DOCK9: variants seen among roughly 807,000 people sequenced by gnomAD.
DOCK9 encodes the protein dedicator of cytokinesis 9.
A neutral mutation model predicts 263.3 loss-of-function variants in DOCK9; 89 were observed. The observed-to-expected ratio is 0.34, with a 90% CI of 0.28 to 0.40. The LOEUF is 0.40. Among genes scored for constraint, DOCK9 ranks in the 10% least tolerant of loss-of-function variants. The probability of loss-of-function intolerance (pLI) is 1.00; values close to 1 mark genes in which losing one functional copy is unlikely to be tolerated. For synonymous variants in DOCK9, 976 were observed against 973.1 expected, an observed-to-expected ratio of 1.00 and a Z score of -0.06; for missense variants, 2,140 against 2,603.4, an observed-to-expected ratio of 0.82 and a Z score of 3.87.
intron 1 of DOCK9, among the ~76,000 whole-genome samples, chr13:99,047,517 CT>C (rs80048308): frequency 0.17 from 21,137 of 126,782 alleles, 1,240 homozygotes; most frequent in South Asian, 0.26. Flanking sequence ...GGTTCTAATC[CT>C]TTTTTTTTTT....
At chr13:98,973,928 T>G (rs1023732399) in intron 1 of DOCK9, among the ~76,000 whole-genome samples, 2 of 152,138 alleles carry the variant, frequency 1.3e-5, no homozygotes, top group African/African-American at 4.8e-5. Context: ...TGAGTACACC[T>G]AATAGGAAAA....
In DOCK9 at chr13:98,806,084, A is replaced by T. The variant is rs373004755; in HGVS notation, c.5515-875T>A. Among the ~76,000 whole-genome samples the T allele has an allele frequency of 1.8e-4, 27 of 152,286 alleles. No homozygotes were observed. In the South Asian group the frequency reaches 5.4e-3, roughly 30 times the overall value. On this transcript the variant is annotated intron_variant, in intron 48 of 52. Coordinates refer to ENST00000682017, the MANE Select transcript of DOCK9 (RefSeq NM_001366683.2). ...TTTCTCTGATTGTTTCTTAAACTGC[A>T]TTTTTAATATATTTGGCTTAGAGAG...
At chr13:98,995,649 C>A (rs1260697378) in intron 1 of DOCK9, among the ~76,000 whole-genome samples, 2 of 151,852 alleles carry the variant, frequency 1.3e-5, no homozygotes, top group Non-Finnish European at 2.9e-5. Flanking sequence ...CCACCACGCC[C>A]GGCTAATTTT....
intron 9 of DOCK9, among the ~76,000 whole-genome samples, chr13:98,907,663 C>T (rs2049328118): frequency 6.6e-6 from 1 of 152,160 alleles, no homozygotes; most frequent in Non-Finnish European, 1.5e-5. Context: ...ACATCTATTG[C>T]TCTGCTACAA....
At chr13:98,805,976 T>C (rs2140125387) in intron 48 of DOCK9, among the ~76,000 whole-genome samples, 1 of 152,290 alleles carries the variant, frequency 6.6e-6, no homozygotes, top group Admixed American at 6.5e-5. Context: ...GTCAGGCTGG[T>C]CTCGAACTCC....
intron 43 of DOCK9, among the ~76,000 whole-genome samples, chr13:98,828,870 G>A (rs1167690560): frequency 6.6e-6 from 1 of 152,114 alleles, no homozygotes; most frequent in Admixed American, 6.6e-5. Context: ...ATTGAAACAC[G>A]TCAGCTCTGC....
At chr13:98,898,365 C>G (rs1415609098) in intron 13 of DOCK9, 104 bp from the exon 14 acceptor site, 4 of 776,590 alleles carry the variant, frequency 5.2e-6, no homozygotes, top group Non-Finnish European at 8.6e-6. Flanking sequence ...CTTACCATAG[C>G]ATTGGATGCA....
chr13:99,003,345 T>C (rs1882738470), intron 1 of DOCK9, among the ~76,000 whole-genome samples: 1 of 152,196 alleles, frequency 6.6e-6, no homozygotes, highest in South Asian at 2.1e-4. Flanking sequence ...TCCAGGCTCC[T>C]TTCCCAGCTC....
chr13:98,883,082 C>T lies in DOCK9; in HGVS notation c.2519G>A (p.Gly840Glu). 6.2e-7 allele frequency: 1 copy of T among 1,613,850 alleles called. No individual in the cohort carries two copies. Among genetic ancestry groups the T allele is most frequent in the Non-Finnish European group, 8.5e-7 (1 of 1,179,870 alleles). The change falls in exon 23 of 53, where the codon GGA (glycine) becomes GAA (glutamate). Residue 840 changes from glycine to glutamate, a missense_variant. This residue lies in a region of DOCK9 where 1,521 missense variants were observed against 1,741.7 expected (regional missense o/e 0.87). Coordinates refer to ENST00000682017, the MANE Select transcript of DOCK9 (RefSeq NM_001366683.2). The stretch of plus-strand genomic sequence containing the variant: ...AAGTTCGTTTCCTAAGGCTTGGGCT[C>T]CAGATTCGGTTTTCTGACAGTACTG... ...FFQYCQKTES[G>E]AQALGNELVK...
chr13:99,017,674 C>A (rs1244465957), intron 1 of DOCK9, among the ~76,000 whole-genome samples: 3 of 152,156 alleles, frequency 2.0e-5, no homozygotes, highest in African/African-American at 7.2e-5. Flanking sequence ...CCCTGGACCA[C>A]ACTGGAAGAA....
intron 12 of DOCK9, 71 bp from the exon 13 acceptor site, chr13:98,901,971 A>G: frequency 5.2e-6 from 8 of 1,545,036 alleles, no homozygotes; most frequent in Non-Finnish European, 7.0e-6. Context: ...TGAACATTAA[A>G]CAGCAAAGAA....
At chr13:98,828,350 C>T (rs570766005) in intron 43 of DOCK9, among the ~76,000 whole-genome samples, 5 of 152,080 alleles carry the variant, frequency 3.3e-5, no homozygotes, top group Non-Finnish European at 7.4e-5. Context: ...TTTTTGAGAC[C>T]TAGGCCACAT....
At chr13:98,879,063 C>T (rs1425603897) in intron 27 of DOCK9, among the ~76,000 whole-genome samples, 2 of 152,228 alleles carry the variant, frequency 1.3e-5, no homozygotes, top group Non-Finnish European at 2.9e-5. Context: ...ACAAGGACAA[C>T]TCCAGGACTC....
chr13:98,828,367 T>G (rs763809973), intron 43 of DOCK9, among the ~76,000 whole-genome samples: 2 of 152,232 alleles, frequency 1.3e-5, no homozygotes, highest in Non-Finnish European at 2.9e-5. Flanking sequence ...ACATATGTCA[T>G]TAAAGAATCT....
intron 33 of DOCK9, chr13:98,859,483 A>C (rs1161001652): frequency 6.6e-6 from 1 of 152,088 alleles, no homozygotes; most frequent in African/African-American, 2.4e-5. Flanking sequence ...CCCTACATGA[A>C]ATGGCGTATT....
intron 33 of DOCK9, chr13:98,860,053 T>C: frequency 2.3e-6 from 1 of 439,752 alleles, no homozygotes; most frequent in Non-Finnish European, 3.3e-6. Context: ...TTGCTAACAC[T>C]ACAAATCAGT....
chr13:98,845,068 T>G (rs890631292), intron 38 of DOCK9, among the ~76,000 whole-genome samples: 3 of 152,212 alleles, frequency 2.0e-5, no homozygotes, highest in Non-Finnish European at 4.4e-5. Flanking sequence ...TCACGTGCTG[T>G]ATGGTTGATA....
intron 1 of DOCK9, among the ~76,000 whole-genome samples, chr13:99,059,837 GCAACCACT>G: frequency 6.6e-6 from 1 of 152,138 alleles, no homozygotes; most frequent in South Asian, 2.1e-4. Flanking sequence ...CCAGTCCCTG[GCAACCACT>G]CATCTACTTT....
At chr13:98,919,670 GAGGGGAA>G (rs1282004771) in intron 7 of DOCK9, among the ~76,000 whole-genome samples, 10 of 152,194 alleles carry the variant, frequency 6.6e-5, no homozygotes, top group Non-Finnish European at 1.3e-4. Flanking sequence ...CCTTCTGTGT[GAGGGGAA>G]CCCTGAGAAA....
Sources: gnomAD v4.1 joint callset for allele counts (sites outside exome capture counted in the v4.1 genomes callset) on GRCh38, gnomAD v4.1.1 for gene constraint, gnomAD v4.1.1 regional missense constraint, MANE v1.5 for transcripts, NCBI Gene and HGNC (gene_info 2026-07-23, HGNC 2026-07-21) for gene names.